The following STK33 variants were observed in gnomAD, a reference collection of about 807,000 sequenced individuals.
STK33 encodes serine/threonine-protein kinase 33.
In STK33, 52 loss-of-function variants were observed where a neutral mutation model predicts 58.0. The observed-to-expected ratio is 0.90, with a 90% CI of 0.72 to 1.13. The LOEUF is 1.13. STK33 is among the 50% of genes most tolerant of loss of function. STK33 has a pLI of 0.00. For missense variants in STK33, 630 were observed against 604.2 expected, an observed-to-expected ratio of 1.04 and a Z score of -0.45; for synonymous variants, 215 against 200.1, an observed-to-expected ratio of 1.07 and a Z score of -0.63.
Position 8,454,823 on chromosome 11 carries a change from T to C in STK33, c.707A>G (p.His236Arg). The C allele has an allele frequency of 3.2e-6, 5 of 1,556,210 alleles. No homozygotes were observed. Among genetic ancestry groups the C allele is most frequent in the Non-Finnish European group, 4.4e-6 (5 of 1,147,378 alleles). ...TATATTTTCCAGTTTCAGATCTCTA[T>C]GTACAATATCTACCAAGAAAATAAA... is the stretch of plus-strand genomic sequence containing the variant. ...IAYLHNNDIV[H>R]RDLKLENIMV... The change falls in exon 10 of 16, where the codon CAT (histidine) becomes CGT (arginine). Residue 236 changes from histidine to arginine, a missense_variant. Coordinates refer to ENST00000687296, the MANE Select transcript of STK33 (RefSeq NM_001352389.2).
intron 6 of STK33, 136 bp from the exon 7 acceptor site, chr11:8,464,958 A>C: frequency 1.9e-6 from 1 of 524,014 alleles, no homozygotes; most frequent in East Asian, 3.1e-5. Flanking sequence ...AAGACACTAT[A>C]TATTTGCTTC....
In STK33 at chr11:8,536,972, A is replaced by ATTTTT. The variant is rs1232336873; in HGVS notation, c.-465-56363_-465-56359dup. On this transcript the variant is annotated intron_variant, in intron 1 of 15. Coordinates refer to ENST00000687296, the MANE Select transcript of STK33 (RefSeq NM_001352389.2). The stretch of plus-strand genomic sequence containing the variant: ...AATTAAAAAAAAAAAAAAAAAAAAG[A>ATTTTT]TTTTTTTTTTTTTTTTTTTTTTTTT... Among the ~76,000 whole-genome samples, 65 of 65,728 alleles carry ATTTTT rather than the reference A, an allele frequency of 9.9e-4. 2 individuals are homozygous for ATTTTT. Among genetic ancestry groups the ATTTTT allele is most frequent in the African/African-American group, 1.9e-3 (28 of 14,718 alleles). 43.1% of individuals were successfully genotyped at this position (65,728 alleles called of 152,430 possible). A position where few individuals can be genotyped will look rare whatever the true frequency, so the allele number is the denominator to read the frequency against.
At chr11:8,531,057 G>A (rs1042337508) in intron 1 of STK33, among the ~76,000 whole-genome samples, 9 of 152,062 alleles carry the variant, frequency 5.9e-5, no homozygotes, top group Non-Finnish European at 1.2e-4. Flanking sequence ...TAGCAACTAG[G>A]ATAGGAACAA....
intron 1 of STK33, among the ~76,000 whole-genome samples, chr11:8,560,778 C>A (rs1226309435): frequency 1.3e-5 from 2 of 152,116 alleles, no homozygotes; most frequent in African/African-American, 4.8e-5. Flanking sequence ...TTCACAACAA[C>A]CCTAGTAGGT....
At chr11:8,337,638 C>CTGG in the STK33 span, among the ~76,000 whole-genome samples, 16 of 4,868 alleles carry the variant, frequency 3.3e-3, no homozygotes, top group Admixed American at 6.0e-3. Flanking sequence ...TTGACGACGG[C>CTGG]GGGGGGCGGG....
Position 8,396,008 on chromosome 11 carries a change from T to C in STK33, c.1345-3298A>G, listed in dbSNP as rs528998944. Among the ~76,000 whole-genome samples the C allele has an allele frequency of 2.6e-5, 4 of 152,328 alleles. No homozygotes were observed. In the South Asian group the frequency reaches 8.3e-4, roughly 32 times the overall value. ...TCCATATTTTAATTGAGCTCCAAAA[T>C]CAGCCTAACGCTGGCTACCCCGAAA... On this transcript the variant is annotated intron_variant, in intron 15 of 15. Transcript: ENST00000687296.
intron 1 of STK33, among the ~76,000 whole-genome samples, chr11:8,486,937 G>A (rs1197289546): frequency 1.3e-5 from 2 of 152,138 alleles, no homozygotes; most frequent in Non-Finnish European, 2.9e-5. Context: ...ATTGAAAACT[G>A]AGATAGATAG....
At chr11:8,510,511 TC>T (rs1169490389) in intron 1 of STK33, among the ~76,000 whole-genome samples, 1 of 152,164 alleles carries the variant, frequency 6.6e-6, no homozygotes, top group East Asian at 1.9e-4. Context: ...TTTAGTTAGG[TC>T]CCATTTATTT....
rs775914567 is a variant in STK33, at chr11:8,474,919, C to T, written c.-14G>A. The T allele has an allele frequency of 1.9e-6, 3 of 1,547,794 alleles. No homozygotes were observed. The highest frequency in any genetic ancestry group is 2.6e-6 in the Non-Finnish European group (3 of 1,149,308). On this transcript the variant is annotated 5_prime_UTR_variant, in exon 5 of 16. Coordinates refer to ENST00000687296, the MANE Select transcript of STK33 (RefSeq NM_001352389.2). ...ACTATCAGCCATTTGTTTAACTCTGCAACAAAAGCAACTTTAAAAATGTTT... is the reference window on the plus strand; with the variant it reads ...ACTATCAGCCATTTGTTTAACTCTGTAACAAAAGCAACTTTAAAAATGTTT...
At chr11:8,378,433 G>A in the STK33 span, among the ~76,000 whole-genome samples, 42 of 152,246 alleles carry the variant, frequency 2.8e-4, no homozygotes, top group Non-Finnish European at 4.0e-4. Context: ...CAGGAGAATC[G>A]CTTGAACCTG....
chr11:8,551,641 T>C (rs1409869096), intron 1 of STK33, among the ~76,000 whole-genome samples: 1 of 152,172 alleles, frequency 6.6e-6, no homozygotes, highest in African/African-American at 2.4e-5. Context: ...TACTTCTTCA[T>C]ATCGGAACTT....
the STK33 span, among the ~76,000 whole-genome samples, chr11:8,355,981 G>A: frequency 6.6e-6 from 1 of 152,218 alleles, no homozygotes; most frequent in African/African-American, 2.4e-5. Context: ...TGGAGTTTGA[G>A]CCAGGAGCTT....
chr11:8,350,847 CG>C, the STK33 span, among the ~76,000 whole-genome samples: 11 of 152,266 alleles, frequency 7.2e-5, no homozygotes, highest in African/African-American at 2.6e-4. Context: ...CCTGTAGCCA[CG>C]GAAGTGACTG....
intron 1 of STK33, among the ~76,000 whole-genome samples, chr11:8,490,174 T>C (rs547873708): frequency 4.9e-4 from 75 of 152,282 alleles, no homozygotes; most frequent in African/African-American, 1.8e-3. Context: ...CAAGGGAAAC[T>C]GTGACAGACC....
the STK33 span, among the ~76,000 whole-genome samples, chr11:8,367,231 C>G: frequency 6.6e-6 from 1 of 152,190 alleles, no homozygotes; most frequent in Non-Finnish European, 1.5e-5. Flanking sequence ...ACTATGCATG[C>G]CAAGGTTATG....
chr11:8,521,778 G>GA (rs941532044), intron 1 of STK33, among the ~76,000 whole-genome samples: 15 of 151,676 alleles, frequency 9.9e-5, no homozygotes, highest in African/African-American at 3.4e-4. Context: ...AAATTTACAA[G>GA]AAAAAAAATC....
the STK33 span, among the ~76,000 whole-genome samples, chr11:8,385,633 C>G: frequency 6.6e-6 from 1 of 152,194 alleles, no homozygotes; most frequent in Non-Finnish European, 1.5e-5. Context: ...GTCTCTGTGC[C>G]CCCATGGCTA....
chr11:8,361,419 CT>C, the STK33 span, among the ~76,000 whole-genome samples: 1 of 152,160 alleles, frequency 6.6e-6, no homozygotes, highest in African/African-American at 2.4e-5. The surrounding 1 kb of genome is among the most constrained non-coding windows in gnomAD (Gnocchi z 4.8). Flanking sequence ...GACCAGACCC[CT>C]GCCTGCCCTC....
At chr11:8,512,073 G>A (rs1174638394) in intron 1 of STK33, among the ~76,000 whole-genome samples, 9 of 152,230 alleles carry the variant, frequency 5.9e-5, no homozygotes, top group African/African-American at 2.2e-4. Context: ...TCAAAGGGTA[G>A]ATCTTCTTTA....
Sources: gnomAD v4.1 joint callset for allele counts (sites outside exome capture counted in the v4.1 genomes callset) on GRCh38, gnomAD v4.1.1 for gene constraint, Gnocchi (gnomAD v3.1) non-coding constraint, MANE v1.5 for transcripts, NCBI Gene and HGNC (gene_info 2026-07-23, HGNC 2026-07-21) for gene names.